DIP2B: variants seen among roughly 807,000 people sequenced by gnomAD.
DIP2B encodes DIP2 acetate--CoA ligase B (putative).
Under a neutral mutation model 198.0 loss-of-function variants are expected in DIP2B, and 76 were observed. That is an observed-to-expected ratio of 0.38 (90% CI 0.32 to 0.46). The LOEUF (loss-of-function observed/expected upper bound fraction) is 0.46. DIP2B is among the 20% of genes least tolerant of loss of function. The probability of loss-of-function intolerance (pLI) is 0.99; values close to 1 mark genes in which losing one functional copy is unlikely to be tolerated. For missense variants in DIP2B, 1,559 were observed against 1,978.4 expected, an observed-to-expected ratio of 0.79 and a Z score of 4.02; for synonymous variants, 701 against 739.1, an observed-to-expected ratio of 0.95 and a Z score of 0.84.
chr12:50,673,986 A>T, intron 5 of DIP2B, among the ~76,000 whole-genome samples: 1 of 152,108 alleles, frequency 6.6e-6, no homozygotes, highest in East Asian at 1.9e-4. Flanking sequence ...TCATCTGGAA[A>T]CTTGTGCAGC....
chr12:50,679,033 C>A, intron 8 of DIP2B, 157 bp downstream of exon 8: 2 of 835,642 alleles, frequency 2.4e-6, no homozygotes, highest in Non-Finnish European at 1.8e-6. Flanking sequence ...AAAGCTATTG[C>A]CAAATATTTT....
rs118005860 is a variant in DIP2B at position 50,595,385 on chromosome 12, C to T, written c.101-30591C>T. 4.2e-4 allele frequency among the ~76,000 whole-genome samples: 64 copies of T among 152,288 alleles called. No individual in the cohort carries two copies. In the East Asian group the frequency reaches 0.012, roughly 28 times the overall value. On this transcript the variant is annotated intron_variant, in intron 1 of 37. Transcript: ENST00000301180. ...AGAGAGCAATGGCTCCCGATCACAG[C>T]TTAGCTCAACTGCAGCCTCAACTTG...
At chr12:50,554,477 C>A (rs970600603) in intron 1 of DIP2B, among the ~76,000 whole-genome samples, 9 of 152,058 alleles carry the variant, frequency 5.9e-5, no homozygotes, top group African/African-American at 1.9e-4. Flanking sequence ...TCTCTATACT[C>A]TTAGTTGCAT....
intron 1 of DIP2B, among the ~76,000 whole-genome samples, chr12:50,588,923 G>A (rs542129660): frequency 6.6e-6 from 1 of 152,068 alleles, no homozygotes; most frequent in East Asian, 1.9e-4. Flanking sequence ...GGTGGCTCAC[G>A]CCTGTAATCC....
At chr12:50,635,793 C>T (rs1217394626) in intron 2 of DIP2B, among the ~76,000 whole-genome samples, 2 of 152,088 alleles carry the variant, frequency 1.3e-5, no homozygotes, top group Non-Finnish European at 2.9e-5. Context: ...TTGCATACAA[C>T]TTATATGAAT....
intron 23 of DIP2B, among the ~76,000 whole-genome samples, chr12:50,716,990 G>GTTTTTTTT (rs1939736246): frequency 2.0e-5 from 1 of 50,538 alleles, no homozygotes; most frequent in Non-Finnish European, 3.9e-5. Context: ...TTGAGACAGA[G>GTTTTTTTT]TTTGCTCTGT....
chr12:50,540,353 C>T (rs1402339300), intron 1 of DIP2B, among the ~76,000 whole-genome samples: 2 of 151,632 alleles, frequency 1.3e-5, no homozygotes, highest in African/African-American at 4.8e-5. Context: ...TCGTGATCCA[C>T]GTGCCTTGGC....
chr12:50,523,127 C>T (rs1398875241), intron 1 of DIP2B, among the ~76,000 whole-genome samples: 1 of 152,054 alleles, frequency 6.6e-6, no homozygotes, highest in African/African-American at 2.4e-5. Flanking sequence ...TACAGTTGTT[C>T]CTTTCTTCGT....
intron 22 of DIP2B, among the ~76,000 whole-genome samples, chr12:50,710,084 C>T (rs1256893290): frequency 1.3e-5 from 2 of 152,178 alleles, no homozygotes; most frequent in Non-Finnish European, 2.9e-5. Context: ...CTTTATTTTT[C>T]TACTTAGCAC....
chr12:50,612,992 ACT>A (rs1475133906), intron 1 of DIP2B, among the ~76,000 whole-genome samples: 1 of 151,824 alleles, frequency 6.6e-6, no homozygotes, highest in African/African-American at 2.4e-5. Flanking sequence ...GTCTCCCTTG[ACT>A]CTCAGCACTG....
Position 50,704,212 on chromosome 12 carries a change from G to C in DIP2B, c.2398G>C (p.Val800Leu), listed in dbSNP as rs1459853354. The C allele has an allele frequency of 6.2e-7, 1 of 1,610,590 alleles. No homozygotes were observed. The highest frequency in any genetic ancestry group is 8.5e-7 in the Non-Finnish European group (1 of 1,179,284). Residue 800 changes from valine to leucine, a missense_variant, in exon 20 of 38, where the codon GTA (valine) becomes CTA (leucine). Physicochemically the swap from Val to Leu is conservative, Grantham distance 32. Coordinates refer to ENST00000301180, the MANE Select transcript of DIP2B (RefSeq NM_173602.3). The stretch of plus-strand genomic sequence containing the variant: ...CATCCGATCAGGATTGCTGGGGTTT[G>C]TAGGGCCGGTAAGTGATGCTTTCAT... ...PFIRSGLLGF[V>L]GPGSLVFVVG...
At chr12:50,558,255 A>G (rs1402594988) in intron 1 of DIP2B, among the ~76,000 whole-genome samples, 1 of 152,184 alleles carries the variant, frequency 6.6e-6, no homozygotes. Flanking sequence ...TCTAGTTCAG[A>G]AACTTTTTAG....
At chr12:50,513,179 G>A (rs769103045) in intron 1 of DIP2B, among the ~76,000 whole-genome samples, 4 of 152,200 alleles carry the variant, frequency 2.6e-5, no homozygotes, top group Non-Finnish European at 5.9e-5. Context: ...TTAATATCTT[G>A]TGTTACTTAG....
intron 2 of DIP2B, among the ~76,000 whole-genome samples, chr12:50,632,629 C>T (rs551016015): frequency 2.3e-3 from 342 of 151,586 alleles, no homozygotes; most frequent in Middle Eastern, 0.01. Context: ...CTCCACCTCC[C>T]GGGATCAAGT....
At chr12:50,637,399 G>C (rs958351925) in intron 2 of DIP2B, among the ~76,000 whole-genome samples, 1 of 152,062 alleles carries the variant, frequency 6.6e-6, no homozygotes, top group Non-Finnish European at 1.5e-5. Context: ...TCTTAGACTT[G>C]CCAAGGCTTT....
intron 1 of DIP2B, among the ~76,000 whole-genome samples, chr12:50,527,569 A>C (rs1958177855): frequency 6.6e-6 from 1 of 152,172 alleles, no homozygotes; most frequent in Admixed American, 6.6e-5. Flanking sequence ...TGAGGCCAGG[A>C]GTTCAAGATA....
At chr12:50,624,321 T>A (rs933159797) in intron 1 of DIP2B, among the ~76,000 whole-genome samples, 7 of 152,102 alleles carry the variant, frequency 4.6e-5, no homozygotes, top group African/African-American at 1.7e-4. Context: ...GAAACCAGCT[T>A]CACCCTACTT....
intron 4 of DIP2B, among the ~76,000 whole-genome samples, chr12:50,661,533 C>G (rs1006062472): frequency 6.6e-6 from 1 of 152,176 alleles, no homozygotes; most frequent in East Asian, 1.9e-4. Flanking sequence ...AGAAATAGCT[C>G]TGTGGCTTCA....
At chr12:50,577,800 A>T (rs923955193) in intron 1 of DIP2B, among the ~76,000 whole-genome samples, 1 of 147,896 alleles carries the variant, frequency 6.8e-6, no homozygotes, top group African/African-American at 2.5e-5. Flanking sequence ...AAGTAAAATT[A>T]AAAAAAAAAA....
Sources: allele counts gnomAD v4.1 joint callset (sites outside exome capture counted in the v4.1 genomes callset), GRCh38; gene constraint gnomAD v4.1.1; transcripts MANE v1.5; gene names NCBI Gene and HGNC (gene_info 2026-07-23, HGNC 2026-07-21).